The following WNK1 variants were observed in gnomAD, a reference collection of about 807,000 sequenced individuals.
WNK1 encodes serine/threonine-protein kinase WNK1.
In WNK1, 38 loss-of-function variants were observed where a neutral mutation model predicts 222.8. The ratio of observed to expected loss-of-function variants is 0.17; its 90% confidence interval spans 0.13 to 0.22. WNK1 has a LOEUF of 0.22. WNK1 is among the 10% of genes least tolerant of loss of function. WNK1 has a pLI of 1.00. For synonymous variants in WNK1, 1,090 were observed against 1,092.9 expected (o/e 1.00, Z 0.05); for missense variants, 2,348 against 2,918.4 (o/e 0.80, Z 4.50).
chr12:866,995 C>T (rs772958989), intron 8 of WNK1, among the ~76,000 whole-genome samples: 2 of 151,964 alleles, frequency 1.3e-5, no homozygotes, highest in African/African-American at 2.4e-5. Flanking sequence ...TGGTGGCGCA[C>T]GCGTGTAGTC....
chr12:807,123 G>GT (rs1946432791), intron 1 of WNK1, among the ~76,000 whole-genome samples: 1 of 152,016 alleles, frequency 6.6e-6, no homozygotes, highest in Non-Finnish European at 1.5e-5. Flanking sequence ...CGGGGTGGGG[G>GT]GTTGGTGTGG....
chr12:754,159 C>T lies in WNK1; in HGVS notation c.594C>T (p.Ser198=). The change falls in exon 1 of 28, where the codon AGC becomes AGT. Residue 198 remains serine, a synonymous_variant. Transcript: ENST00000315939. ...CCAAGGAGCCACAGGAGGAACGGAG[C>T]CAGCAGCAGGATGATATCGAAGAGC... is the stretch of plus-strand genomic sequence containing the variant. The part of the protein sequence containing the change: ...GSAKEPQEER[S]QQQDDIEELE... The T allele has an allele frequency of 6.2e-7, 1 of 1,613,130 alleles. No homozygotes were observed. Among genetic ancestry groups the T allele is most frequent in the Non-Finnish European group, 8.5e-7 (1 of 1,180,024 alleles).
chr12:772,662 TAAGAG>T (rs1942673961), intron 1 of WNK1, among the ~76,000 whole-genome samples: 1 of 152,138 alleles, frequency 6.6e-6, no homozygotes, highest in African/African-American at 2.4e-5. Context: ...TAATTCTCAG[TAAGAG>T]AAAATTAGAA....
At chr12:786,997 G>T (rs1465786142) in intron 1 of WNK1, among the ~76,000 whole-genome samples, 1 of 151,836 alleles carries the variant, frequency 6.6e-6, no homozygotes, top group Non-Finnish European at 1.5e-5. Flanking sequence ...TTTTATTTCT[G>T]CCTTGCCTTT....
chr12:901,514 T>C (rs1296125166), intron 26 of WNK1: 3 of 1,246,440 alleles, frequency 2.4e-6, no homozygotes, highest in Non-Finnish European at 3.1e-6. Context: ...AGTTGTGTTC[T>C]GTCTCTTCTC....
chr12:869,518 T>C (rs1216227531), intron 8 of WNK1, among the ~76,000 whole-genome samples: 2 of 152,176 alleles, frequency 1.3e-5, no homozygotes, highest in Admixed American at 1.3e-4. Context: ...AAATTTTTTT[T>C]CTATAAAATA....
chr12:895,384 A>C (rs960282427), intron 23 of WNK1, among the ~76,000 whole-genome samples: 5 of 152,120 alleles, frequency 3.3e-5, no homozygotes, highest in African/African-American at 1.2e-4. Context: ...TCTTATTCAC[A>C]GGCAACCCTA....
intron 1 of WNK1, among the ~76,000 whole-genome samples, chr12:759,198 A>G (rs1029604284): frequency 9.5e-5 from 14 of 147,494 alleles, no homozygotes; most frequent in African/African-American, 3.2e-4. Context: ...GTACTCAATT[A>G]TCATTTCTGA....
Position 896,437 on chromosome 12 carries a change from T to G in WNK1, c.5950T>G (p.Leu1984Val). 1 of 1,614,066 alleles carries G rather than the reference T, an allele frequency of 6.2e-7. No homozygotes were observed. Among genetic ancestry groups the G allele is most frequent in the Non-Finnish European group, 8.5e-7 (1 of 1,180,020 alleles). The change falls in exon 24 of 28, where the codon TTG (leucine) becomes GTG (valine). Residue 1984 changes from leucine (L) to valine (V), a missense_variant. Physicochemically the swap from Leu to Val is conservative, Grantham distance 32. Transcript: ENST00000315939. ...GPVASPPFMDLEQAVLPAVIP... is the reference protein window; with the variant it reads ...GPVASPPFMDVEQAVLPAVIP... ...AGTGGCATCTCCTCCTTTTATGGAT[T>G]TGGAACAAGCTGTTCTTCCTGCTGT...
intron 4 of WNK1, among the ~76,000 whole-genome samples, chr12:832,510 T>C (rs1170812474): frequency 6.6e-6 from 1 of 152,210 alleles, no homozygotes; most frequent in Non-Finnish European, 1.5e-5. Flanking sequence ...ATATCCTTGT[T>C]GTATATTTGT....
intron 1 of WNK1, among the ~76,000 whole-genome samples, chr12:797,098 GTTC>G (rs1177965409): frequency 2.0e-5 from 3 of 151,858 alleles, no homozygotes; most frequent in African/African-American, 7.3e-5. Context: ...CCACACCCAC[GTTC>G]TTCTTTTTGC....
chr12:885,744 C>T lies in WNK1; in HGVS notation c.4940C>T (p.Pro1647Leu). 1 of 1,614,184 alleles carries T rather than the reference C, an allele frequency of 6.2e-7. No homozygotes were observed. Among genetic ancestry groups the T allele is most frequent in the Non-Finnish European group, 8.5e-7 (1 of 1,180,036 alleles). ...GATTCTGATACACAACCCAAAGCTC[C>T]TGGAATTGATGACATAAAGACTCTA... The part of the protein sequence containing the change: ...EVDSDTQPKA[P>L]GIDDIKTLEE... Residue 1647 changes from proline (P) to leucine (L), a missense_variant, in exon 19 of 28, where the codon CCT becomes CTT. Pro to Leu is a moderately conservative substitution (Grantham distance 98). Transcript: ENST00000315939.
chr12:801,902 A>G (rs1242428769), intron 1 of WNK1, among the ~76,000 whole-genome samples: 1 of 152,108 alleles, frequency 6.6e-6, no homozygotes, highest in East Asian at 1.9e-4. Context: ...TTGTTTTTTG[A>G]GTGATGACCA....
Position 881,967 on chromosome 12 carries a change from C to T in WNK1, c.3266C>T (p.Ser1089Phe). ...GATGGCAATGAGAACGTCCCATCTT[C>T]CAGTGGAAGGCATGAAGGAAGAACT... ...MSDGNENVPS[S>F]SGRHEGRTTK... The change falls in exon 14 of 28, where the codon TCC becomes TTC. Residue 1089 changes from serine (S) to phenylalanine (F), a missense_variant. Ser to Phe is a radical substitution (Grantham distance 155, BLOSUM62 -2). Transcript: ENST00000315939. 2 of 1,614,126 alleles carry T rather than the reference C, an allele frequency of 1.2e-6. No individual in the cohort carries two copies. The highest frequency in any genetic ancestry group is 2.2e-5 in the East Asian group (1 of 44,886).
At chr12:792,944 T>G (rs1842099678) in intron 1 of WNK1, among the ~76,000 whole-genome samples, 1 of 152,174 alleles carries the variant, frequency 6.6e-6, no homozygotes, top group Non-Finnish European at 1.5e-5. Context: ...CCTTTAAGCC[T>G]CTGTTTTCTT....
chr12:773,541 C>A lies in WNK1; in HGVS notation c.759+19217C>A, dbSNP rs555978809. On this transcript the variant is annotated intron_variant, in intron 1 of 27. Transcript: ENST00000315939. ...CTTAAAAAACAAGGAAAAATAAAAA[C>A]CAAAATAACCCCACTGAAGTTTCAT... is the stretch of plus-strand genomic sequence containing the variant. Among the ~76,000 whole-genome samples the A allele has an allele frequency of 8.5e-5, 13 of 152,132 alleles. No individual in the cohort carries two copies. The South Asian group carries it at 2.7e-3, about 32-fold the overall frequency.
chr12:891,796 GGTGTATGCCT>G, intron 22 of WNK1, among the ~76,000 whole-genome samples: 2 of 151,760 alleles, frequency 1.3e-5, no homozygotes, highest in South Asian at 4.2e-4. Context: ...CAGCTGTGGT[GGTGTATGCCT>G]GTAGTCCTAG....
chr12:785,604 C>T (rs193160353), intron 1 of WNK1, among the ~76,000 whole-genome samples: 2 of 151,888 alleles, frequency 1.3e-5, no homozygotes, highest in South Asian at 2.1e-4. Context: ...TCACCGTGTT[C>T]GCCAGGGTGA....
At position 753,006 on chromosome 12, in the gene WNK1, G is replaced by A. The variant is rs953484684; in HGVS notation, c.-560G>A. On this transcript the variant is annotated 5_prime_UTR_variant, in exon 1 of 28. Transcript: ENST00000315939. This position sits in a 1 kb window ranked among gnomAD's most constrained non-coding sequence, Gnocchi z 5.2. ...CGCGTGTGGGAGGAGGCGGCCGCCC[G>A]AGTGACCGGGAGCCGGGCCGCGGCC... 1.3e-5 allele frequency: 2 copies of A among 152,060 alleles called. No homozygotes were observed. The highest frequency in any genetic ancestry group is 4.8e-5 in the African/African-American group (2 of 41,420). 9.4% of individuals were successfully genotyped at this position (152,060 alleles called of 1,614,324 possible).
Sources: allele counts gnomAD v4.1 joint callset (sites outside exome capture counted in the v4.1 genomes callset), GRCh38; gene constraint gnomAD v4.1.1; non-coding constraint Gnocchi (gnomAD v3.1); transcripts MANE v1.5; gene names NCBI Gene and HGNC (gene_info 2026-07-23, HGNC 2026-07-21).